Variants in CAMTA1 observed in about 807,000 individuals in gnomAD.
CAMTA1 encodes the protein calmodulin binding transcription activator 1, also known as calmodulin-binding transcription activator 1.
Under a neutral mutation model 170.9 loss-of-function variants are expected in CAMTA1, and 27 were observed. The ratio of observed to expected loss-of-function variants is 0.16; its 90% confidence interval spans 0.12 to 0.22. CAMTA1 has a LOEUF of 0.22. Ranked by LOEUF, CAMTA1 falls within the 10% of genes least tolerant of loss-of-function variation. The pLI, the probability that CAMTA1 is intolerant of heterozygous loss-of-function variation, is 1.00. For missense variants in CAMTA1, 1,619 were observed against 2,217.2 expected (o/e 0.73, Z 5.42); for synonymous variants, 833 against 891.5 (o/e 0.93, Z 1.17).
intron 1 of CAMTA1, among the ~76,000 whole-genome samples, chr1:6,814,049 A>G (rs1645498229): frequency 2.0e-5 from 3 of 152,198 alleles, no homozygotes; most frequent in Non-Finnish European, 4.4e-5. Context: ...AAGTATTACC[A>G]GAGATACTGG....
At chr1:6,849,457 G>A in intron 3 of CAMTA1, among the ~76,000 whole-genome samples, 1 of 151,710 alleles carries the variant, frequency 6.6e-6, no homozygotes, top group Non-Finnish European at 1.5e-5. Flanking sequence ...AATGAGAGAG[G>A]GGACATAGAA....
chr1:7,744,086 C>G (rs567935490), intron 16 of CAMTA1, among the ~76,000 whole-genome samples: 2 of 149,364 alleles, frequency 1.3e-5, no homozygotes, highest in Admixed American at 6.8e-5. Flanking sequence ...CTTGGCCTCC[C>G]AAAGTGCTGG....
At chr1:7,133,181 T>C (rs1422884794) in intron 4 of CAMTA1, among the ~76,000 whole-genome samples, 1 of 152,192 alleles carries the variant, frequency 6.6e-6, no homozygotes, top group Non-Finnish European at 1.5e-5. Flanking sequence ...AATTGTTTGG[T>C]AGCATTCATC....
intron 3 of CAMTA1, among the ~76,000 whole-genome samples, chr1:7,057,545 C>T (rs1572744161): frequency 6.6e-6 from 1 of 152,258 alleles, no homozygotes; most frequent in South Asian, 2.1e-4. Flanking sequence ...TCAGGGGCCT[C>T]CTAGGTGCCT....
intron 6 of CAMTA1, among the ~76,000 whole-genome samples, chr1:7,490,578 G>A (rs972017952): frequency 8.5e-5 from 13 of 152,188 alleles, no homozygotes; most frequent in Non-Finnish European, 1.9e-4. Context: ...CTTGAACCCA[G>A]GAGGCGGAGG....
rs138213039 is a variant in CAMTA1 at position 7,326,012 on chromosome 1, C to T, written c.438+76386C>T. On this transcript the variant is annotated intron_variant, in intron 5 of 22. Coordinates refer to ENST00000303635, the MANE Select transcript of CAMTA1 (RefSeq NM_015215.4). ...TAGCTGGGACTACAGGCGTGCGCCACCATGCCTGGCTAATTTTTGTATTTT... is the reference window on the plus strand; with the variant it reads ...TAGCTGGGACTACAGGCGTGCGCCATCATGCCTGGCTAATTTTTGTATTTT... 2.0e-3 allele frequency among the ~76,000 whole-genome samples: 297 copies of T among 152,298 alleles called. 4 individuals carry two copies. The East Asian group carries it at 0.052, about 27-fold the overall frequency.
chr1:7,338,901 G>A (rs1003561859), intron 5 of CAMTA1, among the ~76,000 whole-genome samples: 4 of 152,220 alleles, frequency 2.6e-5, no homozygotes, highest in Admixed American at 2.6e-4. Context: ...GGCTGTACAG[G>A]AAGCATGGCT....
intron 6 of CAMTA1, among the ~76,000 whole-genome samples, chr1:7,502,908 C>T (rs1482326056): frequency 2.0e-5 from 3 of 151,992 alleles, no homozygotes; most frequent in Non-Finnish European, 2.9e-5. Context: ...CCCTGCCCCG[C>T]ACCCCCTGCC....
intron 16 of CAMTA1, among the ~76,000 whole-genome samples, chr1:7,743,619 G>A (rs988001766): frequency 4.6e-5 from 7 of 152,080 alleles, no homozygotes; most frequent in Non-Finnish European, 1.0e-4. Context: ...TGTTGTTGAG[G>A]CTCCTTCGTG....
At chr1:6,836,969 T>G (rs1570696390) in intron 3 of CAMTA1, among the ~76,000 whole-genome samples, 4 of 141,686 alleles carry the variant, frequency 2.8e-5, no homozygotes, top group Admixed American at 7.5e-5. Flanking sequence ...TGAGATGGAG[T>G]CTCTGTTGCA....
chr1:6,888,147 G>A, intron 3 of CAMTA1: 1 of 985,276 alleles, frequency 1.0e-6, no homozygotes, highest in Non-Finnish European at 1.2e-6. Flanking sequence ...TGTATCTTCA[G>A]TGCATAGGAC....
At chr1:7,280,229 C>T (rs1439816629) in intron 5 of CAMTA1, among the ~76,000 whole-genome samples, 1 of 152,242 alleles carries the variant, frequency 6.6e-6, no homozygotes, top group East Asian at 1.9e-4. Flanking sequence ...TCCTTTGCCC[C>T]ATCTGGCTCG....
chr1:7,037,909 TG>T (rs1480788427), intron 3 of CAMTA1, among the ~76,000 whole-genome samples: 1 of 132,018 alleles, frequency 7.6e-6, no homozygotes, highest in Non-Finnish European at 1.6e-5. Context: ...TATATTGGTT[TG>T]ATCTTTATTT....
chr1:7,527,814 G>A (rs1481482610), intron 6 of CAMTA1, among the ~76,000 whole-genome samples: 1 of 152,142 alleles, frequency 6.6e-6, no homozygotes, highest in Middle Eastern at 3.2e-3. Flanking sequence ...GCGGTTCTCC[G>A]ACCTCACAAA....
chr1:6,929,937 G>C (rs939829666), intron 3 of CAMTA1, among the ~76,000 whole-genome samples: 2 of 152,186 alleles, frequency 1.3e-5, no homozygotes, highest in African/African-American at 4.8e-5. Flanking sequence ...TTTGCCCTCG[G>C]TGGAACTTAG....
chr1:7,563,543 T>G (rs1051074139), intron 6 of CAMTA1, among the ~76,000 whole-genome samples: 5 of 152,186 alleles, frequency 3.3e-5, no homozygotes, highest in Non-Finnish European at 4.4e-5. Context: ...TGTAGCAAGT[T>G]TTGTCTTCAG....
chr1:7,710,517 T>G (rs1309592963), intron 11 of CAMTA1, among the ~76,000 whole-genome samples: 1 of 151,428 alleles, frequency 6.6e-6, no homozygotes, highest in Non-Finnish European at 1.5e-5. Flanking sequence ...GGAGGATTGC[T>G]TGAGCCCAGG....
chr1:6,907,251 G>A (rs1034509658), intron 3 of CAMTA1, among the ~76,000 whole-genome samples: 2 of 152,130 alleles, frequency 1.3e-5, no homozygotes, highest in East Asian at 1.9e-4. Flanking sequence ...TTGCTGAGTC[G>A]CCAGACATCT....
chr1:6,947,539 CCTGA>C (rs994209474), intron 3 of CAMTA1, among the ~76,000 whole-genome samples: 6 of 137,518 alleles, frequency 4.4e-5, no homozygotes, highest in East Asian at 4.6e-4. Context: ...TGTCACCATG[CCTGA>C]CTAATTTTTT....
Sources: allele counts gnomAD v4.1 joint callset (sites outside exome capture counted in the v4.1 genomes callset), GRCh38; gene constraint gnomAD v4.1.1; transcripts MANE v1.5; gene names NCBI Gene and HGNC (gene_info 2026-07-23, HGNC 2026-07-21).